MOK: variants seen among roughly 807,000 people sequenced by gnomAD.
MOK encodes MOK protein kinase.
MOK carries 59 observed loss-of-function variants against 54.2 expected under a neutral mutation model. That is an observed-to-expected ratio of 1.09 (90% confidence interval 0.88 to 1.35). The LOEUF is 1.35. Among genes scored for constraint, MOK ranks in the 40% most tolerant of loss-of-function variants. The pLI, the probability that MOK is intolerant of heterozygous loss-of-function variation, is 0.00. For missense variants in MOK, 517 were observed against 526.2 expected, an observed-to-expected ratio of 0.98 and a Z score of 0.17; for synonymous variants, 210 against 202.7, an observed-to-expected ratio of 1.04 and a Z score of -0.31.
downstream of MOK, chr14:102,228,739 C>G (rs2064362947): frequency 6.6e-6 from 1 of 151,128 alleles, no homozygotes. Flanking sequence ...CCAAAGTCTT[C>G]CCAACAAAAT....
intron 8 of MOK, chr14:102,233,270 C>T (rs927879306): frequency 6.1e-6 from 1 of 163,794 alleles, no homozygotes. Flanking sequence ...CTCAGCTTCA[C>T]CAGAATGACC....
intron 3 of MOK, chr14:102,264,345 C>T (rs1449519091): frequency 6.6e-6 from 1 of 151,964 alleles, no homozygotes; most frequent in Non-Finnish European, 1.5e-5. Context: ...AAACCAAAAA[C>T]CAGTCAGGGG....
chr14:102,229,264 A>T lies in MOK; in HGVS notation c.*25T>A. 1 of 1,565,692 alleles carries T rather than the reference A, an allele frequency of 6.4e-7. No homozygotes were observed. The highest frequency in any genetic ancestry group is 8.7e-7 in the Non-Finnish European group (1 of 1,154,014). The stretch of plus-strand genomic sequence containing the variant: ...CCGGTCGGGCTTGGTGTTGCCTCCG[A>T]AGTCGAGACGACGGTGCTGCTCAGT... On this transcript the variant is annotated 3_prime_UTR_variant, in exon 12 of 12. Transcript: ENST00000361847.
At position 102,231,614 on chromosome 14, in the gene MOK, C is replaced by T; in HGVS notation, c.981+93G>A. ...ACAATGTGGTCTGCCACAGCCTCCA[C>T]AGGTGGCGTCCTCCTGAGAGAGACA... On this transcript the variant is annotated intron_variant, in intron 10 of 11. Coordinates refer to ENST00000361847, the MANE Select transcript of MOK (RefSeq NM_014226.3). The surrounding 1 kb of genome is among the most constrained non-coding windows in gnomAD (Gnocchi z 4.4). The T allele has an allele frequency of 9.3e-7, 1 of 1,078,916 alleles. No homozygotes were observed. The highest frequency in any genetic ancestry group is 1.4e-6 in the Non-Finnish European group (1 of 714,940). 66.8% of individuals were successfully genotyped at this position (1,078,916 alleles called of 1,614,324 possible). A position where few individuals can be genotyped will look rare whatever the true frequency, so the allele number is the denominator to read the frequency against.
At chr14:102,248,982 C>A (rs989198655) in intron 7 of MOK, among the ~76,000 whole-genome samples, 10 of 151,830 alleles carry the variant, frequency 6.6e-5, no homozygotes, top group African/African-American at 2.4e-4. Flanking sequence ...TCTCTCCATT[C>A]TGCCTAGTCC....
intron 7 of MOK, among the ~76,000 whole-genome samples, chr14:102,248,603 C>G (rs2066279813): frequency 1.3e-5 from 2 of 151,860 alleles, no homozygotes; most frequent in Admixed American, 1.3e-4. Flanking sequence ...ACAATGAAAC[C>G]CTGTCTCTAC....
chr14:102,222,012 T>C (rs181923941), downstream of MOK, among the ~76,000 whole-genome samples: 15 of 152,332 alleles, frequency 9.8e-5, no homozygotes, highest in African/African-American at 3.6e-4. This position sits in a 1 kb window ranked among gnomAD's most constrained non-coding sequence, Gnocchi z 4.4. Flanking sequence ...AAGTACTCTT[T>C]GCTGTGTAGG....
At chr14:102,220,836 G>A (rs1450044318), downstream of MOK, among the ~76,000 whole-genome samples, 1 of 151,716 alleles carries the variant, frequency 6.6e-6, no homozygotes, top group Admixed American at 6.6e-5. This position sits in a 1 kb window ranked among gnomAD's most constrained non-coding sequence, Gnocchi z 4.2. Context: ...GCAGTGGATC[G>A]CGGCTCATTG....
intron 1 of MOK, 123 bp from the exon 2 acceptor site, chr14:102,283,715 C>A: frequency 1.7e-6 from 1 of 598,000 alleles, no homozygotes; most frequent in Non-Finnish European, 2.9e-6. Flanking sequence ...AATTGTTTCT[C>A]CTATCTTTGT....
At chr14:102,292,805 C>T (rs1758784072) in intron 1 of MOK, among the ~76,000 whole-genome samples, 1 of 151,896 alleles carries the variant, frequency 6.6e-6, no homozygotes, top group South Asian at 2.1e-4. Context: ...GTATTAAAAC[C>T]ATTCAATTTG....
intron 1 of MOK, among the ~76,000 whole-genome samples, chr14:102,304,713 A>G (rs2072587336): frequency 6.6e-6 from 1 of 152,240 alleles, no homozygotes; most frequent in African/African-American, 2.4e-5. Flanking sequence ...CGGGAACTCG[A>G]GTCGGCTCTC....
At chr14:102,226,061 G>A, downstream of MOK, 1 of 514,194 alleles carries the variant, frequency 1.9e-6, no homozygotes. The surrounding 1 kb of genome is among the most constrained non-coding windows in gnomAD (Gnocchi z 4.8). Flanking sequence ...GCAGGTGTGG[G>A]GACAGCAGAG....
chr14:102,268,930 T>A (rs993529393), intron 2 of MOK, among the ~76,000 whole-genome samples: 2 of 143,944 alleles, frequency 1.4e-5, no homozygotes, highest in African/African-American at 2.7e-5. Flanking sequence ...AAAAAAAAAA[T>A]TATTTAAAGA....
At chr14:102,287,135 A>T (rs1208646543) in intron 1 of MOK, among the ~76,000 whole-genome samples, 1 of 152,196 alleles carries the variant, frequency 6.6e-6, no homozygotes, top group African/African-American at 2.4e-5. Context: ...TGGTGGGGAA[A>T]ATGGTAAAAT....
At chr14:102,264,315 A>G (rs978355045) in intron 3 of MOK, 1 of 152,318 alleles carries the variant, frequency 6.6e-6, no homozygotes, top group African/African-American at 2.4e-5. Flanking sequence ...TAATTGGGAT[A>G]AATCACAATG....
At chr14:102,218,641 G>A in the MOK span, among the ~76,000 whole-genome samples, 1 of 152,010 alleles carries the variant, frequency 6.6e-6, no homozygotes, top group Non-Finnish European at 1.5e-5. Flanking sequence ...AAGAGCTGGA[G>A]TATTTTTTTA....
chr14:102,215,568 A>G, the MOK span, among the ~76,000 whole-genome samples: 2 of 152,150 alleles, frequency 1.3e-5, no homozygotes, highest in African/African-American at 2.4e-5. Context: ...CCCGTCATCT[A>G]TGTTTTAAGC....
At chr14:102,215,587 CA>C in the MOK span, among the ~76,000 whole-genome samples, 1 of 152,166 alleles carries the variant, frequency 6.6e-6, no homozygotes, top group East Asian at 1.9e-4. Flanking sequence ...GCCCCGCATG[CA>C]TTAGGTATTT....
chr14:102,260,735 G>A (rs1204769405), intron 4 of MOK: 4 of 152,024 alleles, frequency 2.6e-5, no homozygotes, highest in African/African-American at 9.7e-5. Flanking sequence ...TTCTACAATC[G>A]CTGTAGACAG....
Sources: allele counts gnomAD v4.1 joint callset (sites outside exome capture counted in the v4.1 genomes callset), GRCh38; gene constraint gnomAD v4.1.1; non-coding constraint Gnocchi (gnomAD v3.1); transcripts MANE v1.5; gene names NCBI Gene and HGNC (gene_info 2026-07-23, HGNC 2026-07-21).